Variants in ANG observed in about 807,000 individuals in gnomAD.
ANG encodes Homo sapiens epididymis luminal protein 168.
For missense variants in ANG, 178 were observed against 187.4 expected (o/e 0.95, Z 0.29); for synonymous variants, 74 against 73.8 (o/e 1.00, Z -0.02).
At chr14:20,691,705 G>C (rs1007048954) in intron 1 of ANG, among the ~76,000 whole-genome samples, 3 of 152,224 alleles carry the variant, frequency 2.0e-5, no homozygotes, top group African/African-American at 7.2e-5. Context: ...CAAATAATAT[G>C]CTAAGGAATT....
chr14:20,688,596 T>C (rs904097334), upstream of ANG: 15 of 772,518 alleles, frequency 1.9e-5, no homozygotes, highest in Non-Finnish European at 2.2e-5. Flanking sequence ...AAACTTTGTC[T>C]TCCAGAACAA....
chr14:20,690,258 A>AG (rs1886673120), intron 1 of ANG, among the ~76,000 whole-genome samples: 1 of 151,060 alleles, frequency 6.6e-6, no homozygotes, highest in Non-Finnish European at 1.5e-5. Context: ...AGAAAAGAAA[A>AG]GAAAAAAAGG....
At chr14:20,689,652 C>T (rs2139007380) in intron 1 of ANG, among the ~76,000 whole-genome samples, 1 of 152,308 alleles carries the variant, frequency 6.6e-6, no homozygotes, top group East Asian at 1.9e-4. Flanking sequence ...TGTGGTGGCT[C>T]ACACCTGTAA....
upstream of ANG, chr14:20,688,677 C>T (rs4982325): frequency 0.12 from 118,071 of 984,050 alleles, 7,333 homozygotes; most frequent in African/African-American, 0.18. Context: ...TGACCCTCCT[C>T]GTTTGTTCAA....
upstream of ANG, chr14:20,688,593 G>A: frequency 1.4e-6 from 1 of 737,110 alleles, no homozygotes; most frequent in Non-Finnish European, 1.7e-6. Context: ...CTCAAACTTT[G>A]TCTTCCAGAA....
At chr14:20,688,379 T>C (rs1409088716), upstream of ANG, among the ~76,000 whole-genome samples, 1 of 152,176 alleles carries the variant, frequency 6.6e-6, no homozygotes, top group Non-Finnish European at 1.5e-5. Context: ...AATAGTACAG[T>C]GGAAAAGCAT....
At chr14:20,687,202 A>G (rs1482043922), upstream of ANG, among the ~76,000 whole-genome samples, 1 of 152,246 alleles carries the variant, frequency 6.6e-6, no homozygotes, top group East Asian at 1.9e-4. Context: ...ATTCTAATGA[A>G]ATAGTAATTT....
At chr14:20,685,967 G>A (rs574564056), upstream of ANG, among the ~76,000 whole-genome samples, 18 of 151,718 alleles carry the variant, frequency 1.2e-4, no homozygotes, top group Non-Finnish European at 2.5e-4. Flanking sequence ...TTGAACCTGG[G>A]AGGCGGAGGT....
Position 20,690,243 on chromosome 14 carries a change from A to G in ANG, c.-19+1369A>G, listed in dbSNP as rs867611364. ...TCTCAAAAAAAAAAAAAAAAAAAAA[A>G]AAAAAGAAAAGAAAAGAAAAAAAGG... On this transcript the variant is annotated intron_variant, in intron 1 of 1. Transcript: ENST00000397990. Among the ~76,000 whole-genome samples, 400 of 150,154 alleles carry G rather than the reference A, an allele frequency of 2.7e-3. 3 individuals are homozygous for G. The highest frequency in any genetic ancestry group is 9.5e-3 in the African/African-American group (389 of 40,938).
chr14:20,687,404 A>G (rs1051637046), upstream of ANG, among the ~76,000 whole-genome samples: 9 of 152,236 alleles, frequency 5.9e-5, no homozygotes, highest in Admixed American at 2.0e-4. Flanking sequence ...GCACTACTGC[A>G]GAACTCTAAA....
In ANG at chr14:20,693,892, G is replaced by T; in HGVS notation, c.328G>T (p.Gly110Cys). The change falls in exon 2 of 2, where the codon GGT becomes TGT. Residue 110 changes from glycine to cysteine, a missense_variant. Gly to Cys is a radical substitution (Grantham distance 159). Coordinates refer to ENST00000397990, the MANE Select transcript of ANG (RefSeq NM_001097577.3). ...FQVTTCKLHG[G>C]SPWPPCQYRA... The stretch of plus-strand genomic sequence containing the variant: ...GGTCACCACTTGCAAGCTACATGGA[G>T]GTTCCCCCTGGCCTCCATGCCAGTA... 6.2e-7 allele frequency: 1 copy of T among 1,614,198 alleles called. No individual in the cohort carries two copies. The highest frequency in any genetic ancestry group is 8.5e-7 in the Non-Finnish European group (1 of 1,180,036).
intron 1 of ANG, among the ~76,000 whole-genome samples, chr14:20,691,218 C>T (rs538614189): frequency 6.6e-6 from 1 of 152,160 alleles, no homozygotes; most frequent in East Asian, 1.9e-4. Flanking sequence ...TGCCACCTAA[C>T]GACTCTTTTA....
At chr14:20,688,608 T>A, upstream of ANG, 1 of 836,244 alleles carries the variant, frequency 1.2e-6, no homozygotes, top group Non-Finnish European at 1.4e-6. Context: ...CCAGAACAAA[T>A]CTCTAATCCA....
chr14:20,687,285 C>G (rs959402786), upstream of ANG, among the ~76,000 whole-genome samples: 10 of 152,280 alleles, frequency 6.6e-5, no homozygotes, highest in East Asian at 1.9e-3. Context: ...ATAAAACTGT[C>G]TTTTTGCATT....
At chr14:20,693,048 C>T (rs1469950055) in intron 1 of ANG, among the ~76,000 whole-genome samples, 1 of 151,542 alleles carries the variant, frequency 6.6e-6, no homozygotes, top group South Asian at 2.1e-4. Flanking sequence ...GGGGTTTCAC[C>T]GTGGTAGCCA....
chr14:20,685,204 C>T (rs1886368067), upstream of ANG, among the ~76,000 whole-genome samples: 1 of 152,178 alleles, frequency 6.6e-6, no homozygotes, highest in Non-Finnish European at 1.5e-5. Flanking sequence ...TCACCCTTAA[C>T]CCACCCTCAG....
upstream of ANG, among the ~76,000 whole-genome samples, chr14:20,684,956 A>T (rs1050068924): frequency 1.3e-5 from 2 of 152,272 alleles, no homozygotes; most frequent in East Asian, 3.9e-4. Context: ...ATTCCCACTC[A>T]GGTTTACTTT....
At chr14:20,690,072 G>A (rs1367542662) in intron 1 of ANG, among the ~76,000 whole-genome samples, 24 of 146,412 alleles carry the variant, frequency 1.6e-4, no homozygotes, top group Admixed American at 6.1e-4. Context: ...AAAATTAGCC[G>A]GGCGCGGTGG....
chr14:20,690,208 C>T (rs1207762872), intron 1 of ANG, among the ~76,000 whole-genome samples: 1 of 96,516 alleles, frequency 1.0e-5, no homozygotes, highest in Non-Finnish European at 1.8e-5. Flanking sequence ...GGCGACAGAG[C>T]GAGACTCCGT....
Sources: allele counts gnomAD v4.1 joint callset (sites outside exome capture counted in the v4.1 genomes callset), GRCh38; gene constraint gnomAD v4.1.1; transcripts MANE v1.5; gene names NCBI Gene and HGNC (gene_info 2026-07-23, HGNC 2026-07-21).